MYH13: variants seen among roughly 807,000 people sequenced by gnomAD.
MYH13 encodes the protein myosin-13.
In MYH13, 177 loss-of-function variants were observed where a neutral mutation model predicts 232.1. The ratio of observed to expected loss-of-function variants is 0.76; its 90% CI spans 0.67 to 0.86. The LOEUF is 0.86. Among genes scored for constraint, MYH13 ranks in the 40% least tolerant of loss-of-function variants. MYH13 has a pLI of 0.00. For missense variants in MYH13, 2,246 were observed against 2,405.9 expected, an observed-to-expected ratio of 0.93 and a Z score of 1.39; for synonymous variants, 884 against 923.5, an observed-to-expected ratio of 0.96 and a Z score of 0.78.
At chr17:10,353,574 C>CT (rs1390759400) in intron 11 of MYH13, among the ~76,000 whole-genome samples, 2 of 152,092 alleles carry the variant, frequency 1.3e-5, no homozygotes, top group African/African-American at 4.8e-5. Context: ...TTTAAATACT[C>CT]TGTCATTGGG....
At chr17:10,330,573 A>G in intron 20 of MYH13, 50 bp from the exon 21 acceptor site, 1 of 1,561,036 alleles carries the variant, frequency 6.4e-7, no homozygotes, top group African/African-American at 1.4e-5. Context: ...GCAGGCGTTC[A>G]GCCGGGCCCT....
In MYH13 at chr17:10,336,341, C is replaced by T. The variant is rs529379374; in HGVS notation, c.2057-3150G>A. ...TATTCTCTCATCCTTCTGCTCCAGC[C>T]GCTGAAGGGTTTTTCCTCTTTATTT... On this transcript the variant is annotated intron_variant, in intron 18 of 40. Coordinates refer to ENST00000252172, the MANE Select transcript of MYH13 (RefSeq NM_003802.3). 2.6e-5 allele frequency among the ~76,000 whole-genome samples: 4 copies of T among 152,332 alleles called. No individual in the cohort carries two copies. The South Asian group carries it at 6.2e-4, about 24-fold the overall frequency.
intron 12 of MYH13, among the ~76,000 whole-genome samples, chr17:10,349,379 C>T (rs1238721806): frequency 1.3e-5 from 2 of 151,874 alleles, no homozygotes; most frequent in Non-Finnish European, 2.9e-5. Context: ...GGATTACAGG[C>T]GTGAGCTGCT....
At chr17:10,366,556 T>C (rs1224416064) in intron 2 of MYH13, among the ~76,000 whole-genome samples, 1 of 152,012 alleles carries the variant, frequency 6.6e-6, no homozygotes. Flanking sequence ...AATTTTTGTA[T>C]TCTTAGTAGA....
intron 22 of MYH13, among the ~76,000 whole-genome samples, chr17:10,326,418 T>A (rs1327886500): frequency 6.6e-6 from 1 of 152,240 alleles, no homozygotes; most frequent in Non-Finnish European, 1.5e-5. Flanking sequence ...ATGCCTTCAC[T>A]CTGTGAAAGA....
chr17:10,330,065 C>G (rs986768231), intron 21 of MYH13, among the ~76,000 whole-genome samples: 1 of 152,154 alleles, frequency 6.6e-6, no homozygotes, highest in East Asian at 1.9e-4. Context: ...CAACTCCAAC[C>G]CCCTAATCAG....
intron 9 of MYH13, 25 bp downstream of exon 9, chr17:10,355,059 G>C: frequency 1.9e-6 from 3 of 1,608,414 alleles, no homozygotes; most frequent in Non-Finnish European, 2.5e-6. Context: ...AAACACCAAC[G>C]GATTTATAGA....
In MYH13 at chr17:10,320,349, AC is replaced by A. The variant is rs745771215; in HGVS notation, c.3257+1del. On this transcript the variant is annotated splice_donor_variant, in intron 25 of 40. Transcript: ENST00000252172. LOFTEE classifies it high-confidence loss of function. ...CACAGAGGTGGTAAAAGAAATATCT[AC>A]TTTTTCAATTTCTCTTCTATTTGCT... 11 of 1,611,074 alleles carry A rather than the reference AC, an allele frequency of 6.8e-6. No individual in the cohort carries two copies. Among genetic ancestry groups the A allele is most frequent in the Non-Finnish European group, 8.5e-6 (10 of 1,178,560 alleles).
chr17:10,346,851 T>C, intron 12 of MYH13, 53 bp from the exon 13 acceptor site: 1 of 1,345,900 alleles, frequency 7.4e-7, no homozygotes, highest in South Asian at 1.2e-5. Context: ...TGCTAAAGTG[T>C]CCAGTCAGCC....
At chr17:10,342,840 C>A (rs1363737612) in intron 16 of MYH13, among the ~76,000 whole-genome samples, 1 of 152,078 alleles carries the variant, frequency 6.6e-6, no homozygotes, top group Non-Finnish European at 1.5e-5. Flanking sequence ...CCTATAATCC[C>A]AGCACTTTGG....
chr17:10,321,797 C>T (rs1906949175), intron 23 of MYH13, 89 bp from the exon 24 acceptor site: 8 of 1,228,776 alleles, frequency 6.5e-6, no homozygotes, highest in African/African-American at 1.5e-5. Context: ...GCTCATTTTT[C>T]CTTTTTCCCT....
intron 2 of MYH13, among the ~76,000 whole-genome samples, chr17:10,368,008 A>G (rs2142152896): frequency 6.6e-6 from 1 of 152,300 alleles, no homozygotes; most frequent in East Asian, 1.9e-4. Context: ...ATTATAATCC[A>G]CTAGTCTGTC....
chr17:10,316,000 G>A lies in MYH13; in HGVS notation c.3764C>T (p.Thr1255Met), dbSNP rs754307803. The change falls in exon 28 of 41, where the codon ACG (threonine) becomes ATG (methionine). Residue 1255 changes from threonine to methionine, a missense_variant. Thr to Met is a moderately conservative substitution (Grantham distance 81). Coordinates refer to ENST00000252172, the MANE Select transcript of MYH13 (RefSeq NM_003802.3). Reference sequence around the variant, plus strand: ...GATTTCACTAAATTGATCTTCTACCGTCCGGCACGTTCTTTCTATGTTACT... The same window carrying A: ...GATTTCACTAAATTGATCTTCTACCATCCGGCACGTTCTTTCTATGTTACT... ...SKSNIERTCR[T>M]VEDQFSEIKA... is the part of the protein sequence containing the mutation. 20 of 1,613,802 alleles carry A rather than the reference G, an allele frequency of 1.2e-5. No homozygotes were observed. Among genetic ancestry groups the A allele is most frequent in the Middle Eastern group, 1.6e-4 (1 of 6,084 alleles).
intron 20 of MYH13, 105 bp from the exon 21 acceptor site, chr17:10,330,628 G>T: frequency 7.0e-7 from 1 of 1,428,838 alleles, no homozygotes; most frequent in Non-Finnish European, 9.3e-7. Context: ...AACTCTCAGA[G>T]CACGGCAGGG....
chr17:10,351,282 C>T (rs577557132), intron 11 of MYH13, among the ~76,000 whole-genome samples: 1 of 148,400 alleles, frequency 6.7e-6, no homozygotes, highest in South Asian at 2.1e-4. Flanking sequence ...TTTGGGGGAG[C>T]AGTTTTCTGG....
intron 29 of MYH13, among the ~76,000 whole-genome samples, chr17:10,313,905 G>A (rs1906610017): frequency 6.6e-6 from 1 of 152,204 alleles, no homozygotes; most frequent in Admixed American, 6.5e-5. Context: ...CCCACACTGG[G>A]GATTGCTGAT....
intron 18 of MYH13, among the ~76,000 whole-genome samples, chr17:10,336,921 CTTT>C (rs34120509): frequency 1.4e-5 from 2 of 142,496 alleles, no homozygotes; most frequent in Non-Finnish European, 1.5e-5. Context: ...AGCACTGTGT[CTTT>C]TTTTTTTTTT....
At chr17:10,308,792 G>A (rs1597883206) in intron 35 of MYH13, among the ~76,000 whole-genome samples, 1 of 152,214 alleles carries the variant, frequency 6.6e-6, no homozygotes, top group Non-Finnish European at 1.5e-5. Flanking sequence ...CATGATCATA[G>A]TTCATTGCAG....
intron 13 of MYH13, 52 bp downstream of exon 13, chr17:10,346,628 G>T: frequency 7.0e-7 from 1 of 1,419,194 alleles, no homozygotes; most frequent in Non-Finnish European, 9.9e-7. Flanking sequence ...TTAAGATAAT[G>T]GCTCAAATAG....
Sources: allele counts gnomAD v4.1 joint callset (sites outside exome capture counted in the v4.1 genomes callset), GRCh38; gene constraint gnomAD v4.1.1; transcripts MANE v1.5; gene names NCBI Gene and HGNC (gene_info 2026-07-23, HGNC 2026-07-21).